Variants in GDA observed in about 807,000 individuals in gnomAD.
GDA encodes the protein cytoplasmic PSD-95 interactor.
Under a neutral mutation model 59.6 loss-of-function variants are expected in GDA, and 18 were observed. That is an observed-to-expected ratio of 0.30 (90% CI 0.21 to 0.45). GDA has a LOEUF of 0.45. Ranked by LOEUF, GDA falls within the 20% of genes least tolerant of loss-of-function variation. GDA has a pLI of 1.00. For missense variants in GDA, 427 were observed against 552.3 expected (o/e 0.77, Z 2.27); for synonymous variants, 201 against 201.1 (o/e 1.00, Z 0.00).
rs546737705 is a variant in GDA, at chr9:72,142,970, T to C, written c.-100+28137T>C. 2.7e-4 allele frequency among the ~76,000 whole-genome samples: 41 copies of C among 151,612 alleles called. No individual in the cohort carries two copies. The South Asian group carries it at 3.5e-3, about 13-fold the overall frequency. ...GTTTAGTAGAGACAGGGTTTCTCCA[T>C]GTTGGTCAGGCTGGTCTCGAACTCC... On this transcript the variant is annotated intron_variant, in intron 1 of 13. Coordinates refer to the GDA transcript ENST00000545168.
At chr9:72,129,483 C>G (rs962130606) in intron 1 of GDA, among the ~76,000 whole-genome samples, 1 of 152,186 alleles carries the variant, frequency 6.6e-6, no homozygotes. Flanking sequence ...CAAGTTAGGA[C>G]TCAATGGGTG....
intron 1 of GDA, among the ~76,000 whole-genome samples, chr9:72,116,511 T>C (rs1825454003): frequency 6.6e-6 from 1 of 150,454 alleles, no homozygotes; most frequent in Non-Finnish European, 1.5e-5. Flanking sequence ...GCCTTCCGAG[T>C]AGGTAGGACT....
chr9:72,200,218 G>T (rs548453715), intron 2 of GDA, among the ~76,000 whole-genome samples: 2 of 151,902 alleles, frequency 1.3e-5, no homozygotes, highest in East Asian at 1.9e-4. Context: ...GGATGGTCTC[G>T]ATCTCCTGAC....
At position 72,247,428 on chromosome 9, in the gene GDA, A is replaced by C; in HGVS notation, c.1289A>C (p.Tyr430Ser). The C allele has an allele frequency of 6.8e-7, 1 of 1,471,732 alleles. No homozygotes were observed. Among genetic ancestry groups the C allele is most frequent in the East Asian group, 2.3e-5 (1 of 44,222 alleles). The allele number at this position is 1,471,732 out of a possible 1,614,324, so 91.2% of individuals were successfully genotyped here. A position where few individuals can be genotyped will look rare whatever the true frequency, so the allele number is the denominator to read the frequency against. ...ISEAVIQKFLYLGDDRNIEEV... is the reference protein window; with the variant it reads ...ISEAVIQKFLSLGDDRNIEEV... ...TAGGCTGTTATCCAGAAGTTCCTCT[A>C]TCTAGGTAGGTAGATGCATGTCTCT... Residue 430 changes from tyrosine (Y) to serine (S), a missense_variant, in exon 13 of 14, where the codon TAT becomes TCT. Coordinates refer to ENST00000358399, the MANE Select transcript of GDA (RefSeq NM_004293.5).
Position 72,128,034 on chromosome 9 carries a change from T to C in GDA, c.-100+13201T>C, listed in dbSNP as rs145616883. Among the ~76,000 whole-genome samples the C allele has an allele frequency of 2.0e-4, 31 of 152,338 alleles. No individual in the cohort carries two copies. In the East Asian group the frequency reaches 5.2e-3, roughly 26 times the overall value. On this transcript the variant is annotated intron_variant, in intron 1 of 13. Coordinates refer to the GDA transcript ENST00000545168. ...CACCTATTTTGCTTAGTGGTTTCAT[T>C]TGAACCAGACTTCCAGGTTTTCCTG...
chr9:72,255,525 C>T (rs1175297249), downstream of GDA, among the ~76,000 whole-genome samples: 2 of 152,196 alleles, frequency 1.3e-5, no homozygotes, highest in Non-Finnish European at 2.9e-5. Context: ...TCTCCTACCT[C>T]AAAAGGTTAC....
chr9:72,116,469 G>A (rs1345703006), intron 1 of GDA, among the ~76,000 whole-genome samples: 13 of 139,192 alleles, frequency 9.3e-5, no homozygotes, highest in African/African-American at 3.2e-4. Flanking sequence ...TGCAACCTCC[G>A]CCTCCTGGGT....
At chr9:72,239,459 G>T (rs924764535) in intron 10 of GDA, among the ~76,000 whole-genome samples, 3 of 151,970 alleles carry the variant, frequency 2.0e-5, no homozygotes, top group African/African-American at 7.3e-5. Flanking sequence ...TAAAACTGCA[G>T]GTATTTAAGT....
chr9:72,247,319 T>C (rs1401793652), intron 12 of GDA, 87 bp from the exon 13 acceptor site: 1 of 829,148 alleles, frequency 1.2e-6, no homozygotes, highest in Non-Finnish European at 2.1e-6. Context: ...TTCGTATTTC[T>C]GGGCTTTGTC....
intron 2 of GDA, among the ~76,000 whole-genome samples, chr9:72,198,669 C>A (rs1833519003): frequency 6.6e-6 from 1 of 151,726 alleles, no homozygotes; most frequent in Non-Finnish European, 1.5e-5. Context: ...AACATGGATT[C>A]TCAGGCCCAT....
At chr9:72,254,326 G>A (rs11788021), downstream of GDA, among the ~76,000 whole-genome samples, 9,152 of 152,134 alleles carry the variant, frequency 0.06, 410 homozygotes, top group Non-Finnish European at 0.088. Flanking sequence ...AAATTTTGGA[G>A]CAGGAGTATA....
chr9:72,213,765 T>A (rs1459792174), intron 4 of GDA, 121 bp from the exon 5 acceptor site: 1 of 558,578 alleles, frequency 1.8e-6, no homozygotes, highest in Non-Finnish European at 3.1e-6. Flanking sequence ...ATTGCGCCAC[T>A]GCAATCTGGC....
At chr9:72,173,394 G>T (rs1353148365) in intron 1 of GDA, among the ~76,000 whole-genome samples, 1 of 149,604 alleles carries the variant, frequency 6.7e-6, no homozygotes, top group East Asian at 2.0e-4. Flanking sequence ...GCAATGGTGC[G>T]ATCTCAGCTC....
intron 3 of GDA, among the ~76,000 whole-genome samples, chr9:72,209,677 A>G (rs1052267535): frequency 6.6e-6 from 1 of 152,024 alleles, no homozygotes; most frequent in Non-Finnish European, 1.5e-5. Context: ...TCATACTGTG[A>G]TGCTATAAGG....
At chr9:72,139,825 G>A (rs895589529) in intron 1 of GDA, among the ~76,000 whole-genome samples, 1 of 152,088 alleles carries the variant, frequency 6.6e-6, no homozygotes, top group Non-Finnish European at 1.5e-5. Context: ...AAAGCATCTT[G>A]CAATAACTAT....
intron 1 of GDA, among the ~76,000 whole-genome samples, 162 bp from the exon 2 acceptor site, chr9:72,195,338 T>C (rs1464402650): frequency 1.7e-4 from 7 of 41,820 alleles, no homozygotes; most frequent in Non-Finnish European, 2.6e-4. Flanking sequence ...AACACCTGTC[T>C]TTTTTTTTTT....
intron 10 of GDA, among the ~76,000 whole-genome samples, chr9:72,239,541 A>G (rs1839381296): frequency 6.6e-6 from 1 of 152,154 alleles, no homozygotes; most frequent in Non-Finnish European, 1.5e-5. Context: ...TTACCCATAT[A>G]TTATAAAATA....
downstream of GDA, among the ~76,000 whole-genome samples, chr9:72,258,035 G>A (rs1429478226): frequency 6.6e-6 from 1 of 151,652 alleles, no homozygotes; most frequent in Admixed American, 6.6e-5. Flanking sequence ...TGGAGGCCAG[G>A]TACGGTGACT....
intron 1 of GDA, among the ~76,000 whole-genome samples, chr9:72,121,996 G>T (rs2130577776): frequency 6.6e-6 from 1 of 152,244 alleles, no homozygotes; most frequent in Non-Finnish European, 1.5e-5. Context: ...TGGGGTTGAA[G>T]TTTGCTTCTT....
Sources: gnomAD v4.1 joint callset for allele counts (sites outside exome capture counted in the v4.1 genomes callset) on GRCh38, gnomAD v4.1.1 for gene constraint, MANE v1.5 for transcripts, NCBI Gene and HGNC (gene_info 2026-07-23, HGNC 2026-07-21) for gene names.